Variants in UBE2B observed in about 807,000 individuals in gnomAD.
UBE2B encodes the protein ubiquitin conjugating enzyme E2 B, also known as ubiquitin-conjugating enzyme E2 B.
Under a neutral mutation model 24.6 loss-of-function variants are expected in UBE2B, and 11 were observed. That is an observed-to-expected ratio of 0.45 (90% confidence interval 0.28 to 0.74). The LOEUF is 0.74. UBE2B is among the 30% of genes least tolerant of loss of function. The probability of loss-of-function intolerance (pLI) is 0.13; values close to 1 mark genes in which losing one functional copy is unlikely to be tolerated. For missense variants in UBE2B, 78 were observed against 185.6 expected (o/e 0.42, Z 3.37); for synonymous variants, 68 against 62.4 (o/e 1.09, Z -0.42).
At chr5:134,376,313 A>C (rs1347299267) in intron 2 of UBE2B, among the ~76,000 whole-genome samples, 1 of 109,606 alleles carries the variant, frequency 9.1e-6, no homozygotes, top group Non-Finnish European at 1.8e-5. Context: ...CAAGAGCAAA[A>C]CTCCGTCTCA....
intron 3 of UBE2B, 35 bp downstream of exon 3, chr5:134,376,729 T>G (rs1477401571): frequency 6.3e-7 from 1 of 1,577,860 alleles, no homozygotes; most frequent in Admixed American, 1.8e-5. Flanking sequence ...TATAGTGTTA[T>G]GAGGTTACTT....
Position 134,371,569 on chromosome 5 carries a change from A to C in UBE2B, c.-27A>C. On this transcript the variant is annotated 5_prime_UTR_variant, in exon 1 of 6. Coordinates refer to ENST00000265339, the MANE Select transcript of UBE2B (RefSeq NM_003337.4). ...GGCTGCGCGGGACTTTTTTTTTTTCAGACTGACCGCGGGGCAGCTGCGGAG... is the reference window on the plus strand; with the variant it reads ...GGCTGCGCGGGACTTTTTTTTTTTCCGACTGACCGCGGGGCAGCTGCGGAG... The C allele has an allele frequency of 6.2e-7, 1 of 1,607,560 alleles. No individual in the cohort carries two copies. The highest frequency in any genetic ancestry group is 8.5e-7 in the Non-Finnish European group (1 of 1,178,092).
intron 4 of UBE2B, among the ~76,000 whole-genome samples, chr5:134,386,636 A>G (rs1758806684): frequency 6.6e-6 from 1 of 152,048 alleles, no homozygotes; most frequent in African/African-American, 2.4e-5. Context: ...CCATCTCAAA[A>G]AAAAAAAAGG....
At chr5:134,373,016 T>C (rs534038545) in intron 1 of UBE2B, among the ~76,000 whole-genome samples, 1 of 152,328 alleles carries the variant, frequency 6.6e-6, no homozygotes, top group Admixed American at 6.5e-5. Context: ...TGTAATGCTC[T>C]GCTTAATTCT....
intron 5 of UBE2B, chr5:134,388,848 T>C (rs368502724): frequency 1.6e-5 from 5 of 319,196 alleles, no homozygotes; most frequent in Middle Eastern, 1.2e-3. Context: ...AGGGGTGGAG[T>C]GAGGGGTGTT....
At position 134,371,574 on chromosome 5, in the gene UBE2B, G is replaced by T; in HGVS notation, c.-22G>T. ...CGCGGGACTTTTTTTTTTTCAGACTGACCGCGGGGCAGCTGCGGAGCATGT... is the reference window on the plus strand; with the variant it reads ...CGCGGGACTTTTTTTTTTTCAGACTTACCGCGGGGCAGCTGCGGAGCATGT... On this transcript the variant is annotated 5_prime_UTR_variant, in exon 1 of 6. Coordinates refer to ENST00000265339, the MANE Select transcript of UBE2B (RefSeq NM_003337.4). The T allele has an allele frequency of 6.2e-7, 1 of 1,610,990 alleles. No individual in the cohort carries two copies. The highest frequency in any genetic ancestry group is 2.2e-5 in the East Asian group (1 of 44,798).
intron 4 of UBE2B, among the ~76,000 whole-genome samples, chr5:134,386,959 C>CT (rs1159258859): frequency 0.018 from 2,438 of 133,284 alleles, 34 homozygotes; most frequent in Middle Eastern, 0.071. Flanking sequence ...TAGTTTTTCA[C>CT]TTTTTTTTTT....
At chr5:134,386,382 C>T (rs1172402690) in intron 4 of UBE2B, among the ~76,000 whole-genome samples, 3 of 151,426 alleles carry the variant, frequency 2.0e-5, no homozygotes, top group Non-Finnish European at 4.4e-5. Flanking sequence ...GTAATCCCAG[C>T]ACTTTGGGAG....
intron 1 of UBE2B, among the ~76,000 whole-genome samples, chr5:134,373,591 C>T (rs1007348884): frequency 1.3e-5 from 2 of 152,108 alleles, no homozygotes; most frequent in Non-Finnish European, 2.9e-5. Flanking sequence ...CCCATTAACT[C>T]GTCACTTGCA....
chr5:134,373,889 G>T (rs368716326), intron 1 of UBE2B, among the ~76,000 whole-genome samples: 2 of 152,136 alleles, frequency 1.3e-5, no homozygotes, highest in Non-Finnish European at 2.9e-5. Flanking sequence ...TATCATTGTT[G>T]GACATTTGGG....
At chr5:134,381,811 G>A (rs1303677823) in intron 4 of UBE2B, among the ~76,000 whole-genome samples, 2 of 152,184 alleles carry the variant, frequency 1.3e-5, no homozygotes, top group Non-Finnish European at 2.9e-5. Flanking sequence ...AGGCATGATG[G>A]TGGGCACCTG....
chr5:134,378,884 G>A (rs886378439), intron 3 of UBE2B, among the ~76,000 whole-genome samples: 1 of 145,914 alleles, frequency 6.9e-6, no homozygotes, highest in East Asian at 2.0e-4. Context: ...CGCCAAGATC[G>A]CACCATTGCA....
At chr5:134,386,961 T>G (rs1758814905) in intron 4 of UBE2B, among the ~76,000 whole-genome samples, 1 of 111,434 alleles carries the variant, frequency 9.0e-6, no homozygotes, top group South Asian at 2.8e-4. Context: ...GTTTTTCACT[T>G]TTTTTTTTTT....
intron 2 of UBE2B, among the ~76,000 whole-genome samples, chr5:134,374,974 G>A (rs1446532202): frequency 6.6e-6 from 1 of 151,938 alleles, no homozygotes; most frequent in Non-Finnish European, 1.5e-5. Context: ...AGTTTCAGCA[G>A]TTATATAAAG....
chr5:134,383,645 G>A (rs35344851), intron 4 of UBE2B, among the ~76,000 whole-genome samples: 2,025 of 151,910 alleles, frequency 0.013, 42 homozygotes, highest in African/African-American at 0.046. Context: ...ATTTTTAGTA[G>A]AGACGGGGTT....
chr5:134,381,290 C>CT (rs1758705530), intron 4 of UBE2B, among the ~76,000 whole-genome samples: 1 of 152,114 alleles, frequency 6.6e-6, no homozygotes, highest in African/African-American at 2.4e-5. Flanking sequence ...AAGTTATACT[C>CT]TGTCACCCCT....
At chr5:134,378,769 A>G (rs1252729425) in intron 3 of UBE2B, among the ~76,000 whole-genome samples, 1 of 152,008 alleles carries the variant, frequency 6.6e-6, no homozygotes, top group Non-Finnish European at 1.5e-5. Flanking sequence ...ATATTCTCAG[A>G]AGTAATGTAA....
At position 134,374,417 on chromosome 5, in the gene UBE2B, G is replaced by T; in HGVS notation, c.79G>T (p.Ala27Ser). ...QEDPPVGVSG[A>S]PSENNIMQWN... is the part of the protein sequence containing the mutation. ...GGACCCACCTGTGGGTGTCAGTGGC[G>T]CACCATCTGAAAACAACATCATGCA... Residue 27 changes from alanine to serine, a missense_variant, in exon 2 of 6, where the codon GCA becomes TCA. This residue lies in a region of UBE2B where 57 missense variants were observed against 167.7 expected (regional missense o/e 0.34). Transcript: ENST00000265339. 6.4e-7 allele frequency: 1 copy of T among 1,556,872 alleles called. No individual in the cohort carries two copies. The highest frequency in any genetic ancestry group is 8.7e-7 in the Non-Finnish European group (1 of 1,149,170).
At chr5:134,377,795 G>A (rs564746453) in intron 3 of UBE2B, among the ~76,000 whole-genome samples, 1 of 152,276 alleles carries the variant, frequency 6.6e-6, no homozygotes, top group South Asian at 2.1e-4. Context: ...CAAAACCAAT[G>A]GTGGCTATAA....
Sources: allele counts gnomAD v4.1 joint callset (sites outside exome capture counted in the v4.1 genomes callset), GRCh38; gene constraint gnomAD v4.1.1; regional missense constraint gnomAD v4.1.1; transcripts MANE v1.5; gene names NCBI Gene and HGNC (gene_info 2026-07-23, HGNC 2026-07-21).